Variants in YES1 observed in about 807,000 individuals in gnomAD.
YES1 encodes the protein YES proto-oncogene 1, Src family tyrosine kinase, also known as tyrosine-protein kinase Yes.
Under a neutral mutation model 70.4 loss-of-function variants are expected in YES1, and 39 were observed. That is an observed-to-expected ratio of 0.55 (90% CI 0.43 to 0.72). YES1 has a LOEUF of 0.72. YES1 is among the 30% of genes least tolerant of loss of function. The pLI is 0.00. For synonymous variants in YES1, 198 were observed against 218.6 expected (o/e 0.91, Z 0.83); for missense variants, 495 against 644.8 (o/e 0.77, Z 2.52).
At chr18:764,377 C>A (rs150554691) in intron 1 of YES1, among the ~76,000 whole-genome samples, 1 of 152,076 alleles carries the variant, frequency 6.6e-6, no homozygotes. Context: ...CATGTGCCAC[C>A]ATGCCCGGCT....
chr18:778,709 G>A (rs1045380647), intron 1 of YES1, among the ~76,000 whole-genome samples: 2 of 152,006 alleles, frequency 1.3e-5, no homozygotes, highest in African/African-American at 4.8e-5. Context: ...CATAGGTCAC[G>A]GTGTTCTACA....
intron 1 of YES1, among the ~76,000 whole-genome samples, chr18:760,548 A>T (rs11081342): frequency 0.46 from 70,378 of 151,986 alleles, 16,673 homozygotes; most frequent in African/African-American, 0.57. Context: ...CAGGTTATAT[A>T]CAAATACATG....
chr18:806,364 G>T (rs544985177), intron 1 of YES1, among the ~76,000 whole-genome samples: 3 of 152,264 alleles, frequency 2.0e-5, no homozygotes, highest in African/African-American at 7.2e-5. Flanking sequence ...TTGAAGGACT[G>T]CTTAAGCTAT....
chr18:741,623 G>C (rs2080217815), intron 8 of YES1, among the ~76,000 whole-genome samples: 1 of 152,032 alleles, frequency 6.6e-6, no homozygotes, highest in South Asian at 2.1e-4. Context: ...GGGAAACAGG[G>C]TGAAATCCCA....
In YES1 at chr18:724,040, G is replaced by C. The variant is rs2079989398; in HGVS notation, c.*384C>G. On this transcript the variant is annotated 3_prime_UTR_variant, in exon 12 of 12. Transcript: ENST00000314574. ...TAATTTTAGATTTTATTATGGTATA[G>C]CTTTTTATCTCTCAAGTTTTATCTG... 1 of 168,356 alleles carries C rather than the reference G, an allele frequency of 5.9e-6. No homozygotes were observed. Among genetic ancestry groups the C allele is most frequent in the South Asian group, 1.6e-4 (1 of 6,306 alleles). The allele number at this position is 168,356 out of a possible 1,614,324, so 10.4% of individuals were successfully genotyped here.
intron 1 of YES1, among the ~76,000 whole-genome samples, chr18:790,218 A>C (rs1204487590): frequency 1.3e-5 from 2 of 152,070 alleles, no homozygotes; most frequent in East Asian, 3.9e-4. Context: ...TCTACTAAAA[A>C]TACAAAAATT....
At chr18:733,900 T>C (rs368077669) in intron 10 of YES1, among the ~76,000 whole-genome samples, 1 of 151,924 alleles carries the variant, frequency 6.6e-6, no homozygotes, top group Non-Finnish European at 1.5e-5. Context: ...TGTTTGTAGA[T>C]AGTGTTTTAA....
chr18:764,441 C>G (rs572050563), intron 1 of YES1, among the ~76,000 whole-genome samples: 1 of 152,084 alleles, frequency 6.6e-6, no homozygotes, highest in South Asian at 2.1e-4. Flanking sequence ...AGGCTGGTCT[C>G]GAACTCCTGA....
chr18:749,858 C>CA (rs5822576), intron 3 of YES1, among the ~76,000 whole-genome samples: 2,473 of 116,412 alleles, frequency 0.021, 50 homozygotes, highest in African/African-American at 0.043. Flanking sequence ...GACTCCGTCT[C>CA]AAAAAAAAAA....
intron 7 of YES1, 22 bp from the exon 8 acceptor site, chr18:743,119 G>A (rs753156030): frequency 1.3e-6 from 2 of 1,559,196 alleles, no homozygotes; most frequent in East Asian, 2.2e-5. Flanking sequence ...ACACATTTTA[G>A]GAATTTATAT....
At chr18:728,018 G>A (rs1283867006) in intron 11 of YES1, among the ~76,000 whole-genome samples, 1 of 152,136 alleles carries the variant, frequency 6.6e-6, no homozygotes, top group East Asian at 1.9e-4. Flanking sequence ...TATCTTAAGG[G>A]ATGGGACCCA....
chr18:758,399 A>T (rs1013722039), intron 1 of YES1, among the ~76,000 whole-genome samples: 2 of 152,116 alleles, frequency 1.3e-5, no homozygotes, highest in African/African-American at 4.8e-5. Context: ...CACCAAATTT[A>T]ACCCCAATCT....
rs138631207 is a variant in YES1 at position 771,667 on chromosome 18, G to A, written c.-8-14832C>T. On this transcript the variant is annotated intron_variant, in intron 1 of 11. Coordinates refer to ENST00000314574, the MANE Select transcript of YES1 (RefSeq NM_005433.4). ...GGTCTCAAACTATCCTCCCACCTCA[G>A]CCTCTCTAGTAGCTGGGACCACAGG... Among the ~76,000 whole-genome samples, 638 of 152,078 alleles carry A rather than the reference G, an allele frequency of 4.2e-3. 3 individuals carry two copies. The highest frequency in any genetic ancestry group is 0.015 in the African/African-American group (609 of 41,490).
chr18:743,381 A>G lies in YES1; in HGVS notation c.759T>C (p.Thr253=). 6.2e-7 allele frequency: 1 copy of G among 1,612,972 alleles called. No homozygotes were observed. The part of the protein sequence containing the change: ...HADGLCHKLT[T]VCPTVKPQTQ... ...TCTGAGGTTTCACAGTTGGACACAC[A>G]GTTGTCAACTTGTGGCATAAACCAT... Residue 253 remains threonine, a synonymous_variant, in exon 7 of 12, where the codon ACT becomes ACC. Transcript: ENST00000314574.
chr18:765,366 T>C (rs1183287208), intron 1 of YES1, among the ~76,000 whole-genome samples: 2 of 148,482 alleles, frequency 1.3e-5, no homozygotes, highest in East Asian at 4.0e-4. Flanking sequence ...TGTGGATAAA[T>C]TATTTTTGTT....
intron 1 of YES1, among the ~76,000 whole-genome samples, chr18:795,691 T>G (rs1906502749): frequency 8.6e-6 from 1 of 115,912 alleles, no homozygotes; most frequent in Non-Finnish European, 1.6e-5. Flanking sequence ...CACTTATAAG[T>G]GGGAGATGAA....
intron 1 of YES1, among the ~76,000 whole-genome samples, chr18:796,158 T>C (rs973777836): frequency 6.6e-6 from 1 of 152,186 alleles, no homozygotes; most frequent in African/African-American, 2.4e-5. Flanking sequence ...TGAGAAAGTT[T>C]TGAAAAGGAA....
At chr18:788,464 ATTTTG>A (rs1568215167) in intron 1 of YES1, among the ~76,000 whole-genome samples, 1 of 152,192 alleles carries the variant, frequency 6.6e-6, no homozygotes, top group Non-Finnish European at 1.5e-5. Context: ...TATATTTAAA[ATTTTG>A]TTTTATTAAA....
At chr18:795,115 A>AG (rs1448994336) in intron 1 of YES1, among the ~76,000 whole-genome samples, 1 of 152,174 alleles carries the variant, frequency 6.6e-6, no homozygotes, top group Non-Finnish European at 1.5e-5. Flanking sequence ...ACAGGTACTG[A>AG]GGGTTAGGAC....
Sources: gnomAD v4.1 joint callset for allele counts (sites outside exome capture counted in the v4.1 genomes callset) on GRCh38, gnomAD v4.1.1 for gene constraint, MANE v1.5 for transcripts, NCBI Gene and HGNC (gene_info 2026-07-23, HGNC 2026-07-21) for gene names.